GALNT17: variants seen among roughly 807,000 people sequenced by gnomAD.
GALNT17 encodes polypeptide N-acetylgalactosaminyltransferase 17, also known as UDP-GalNAc:polypeptide N-acetylgalactosaminyltransferase-like 3.
A neutral mutation model predicts 63.7 loss-of-function variants in GALNT17; 29 were observed. The observed-to-expected ratio is 0.46, with a 90% CI of 0.34 to 0.62. The LOEUF is 0.62. GALNT17 is among the 20% of genes least tolerant of loss of function. GALNT17 has a pLI of 0.01. For missense variants in GALNT17, 603 were observed against 799.6 expected (o/e 0.75, Z 2.97); for synonymous variants, 305 against 318.3 (o/e 0.96, Z 0.45).
chr7:71,593,193 C>T (rs1432420467), intron 6 of GALNT17, among the ~76,000 whole-genome samples: 3 of 143,554 alleles, frequency 2.1e-5, no homozygotes, highest in Non-Finnish European at 4.5e-5. Context: ...TTTTTAAAAA[C>T]AATTAGTTTT....
At chr7:71,456,536 T>G (rs1363309758) in intron 5 of GALNT17, among the ~76,000 whole-genome samples, 1 of 151,928 alleles carries the variant, frequency 6.6e-6, no homozygotes, top group African/African-American at 2.4e-5. Flanking sequence ...GCCAACATAG[T>G]GAAACCCTGT....
chr7:71,291,250 C>T (rs1181738948), intron 1 of GALNT17, among the ~76,000 whole-genome samples: 1 of 150,396 alleles, frequency 6.6e-6, no homozygotes, highest in Non-Finnish European at 1.5e-5. Flanking sequence ...ATATTAATTT[C>T]TCTTTGGTTG....
At chr7:71,695,771 C>T (rs1791531261) in intron 9 of GALNT17, among the ~76,000 whole-genome samples, 1 of 152,146 alleles carries the variant, frequency 6.6e-6, no homozygotes, top group South Asian at 2.1e-4. Flanking sequence ...CCAAAGGCAG[C>T]ATCCTCTGTA....
chr7:71,511,292 T>A (rs1054423654), intron 5 of GALNT17, among the ~76,000 whole-genome samples: 6 of 151,910 alleles, frequency 3.9e-5, no homozygotes, highest in African/African-American at 1.5e-4. Flanking sequence ...TTGGCAAGGA[T>A]CAGATAGGAA....
intron 1 of GALNT17, among the ~76,000 whole-genome samples, chr7:71,147,739 C>T (rs896256362): frequency 3.3e-5 from 5 of 152,112 alleles, no homozygotes; most frequent in African/African-American, 1.2e-4. Context: ...TCCATCGATT[C>T]TCCTGCCTCA....
intron 1 of GALNT17, among the ~76,000 whole-genome samples, chr7:71,143,021 G>A (rs1455978240): frequency 3.3e-5 from 5 of 152,032 alleles, no homozygotes; most frequent in Admixed American, 6.6e-5. Context: ...GTGCTTAGCC[G>A]GTGAGTGCTG....
At chr7:71,615,881 A>T (rs1790194599) in intron 6 of GALNT17, among the ~76,000 whole-genome samples, 1 of 152,104 alleles carries the variant, frequency 6.6e-6, no homozygotes, top group African/African-American at 2.4e-5. Flanking sequence ...ACTCGGCTTG[A>T]CAGGAGGAAA....
intron 1 of GALNT17, among the ~76,000 whole-genome samples, chr7:71,264,663 C>T (rs549771080): frequency 2.0e-5 from 3 of 152,026 alleles, no homozygotes; most frequent in South Asian, 2.1e-4. Flanking sequence ...AGAATGAAAT[C>T]GTGTCATTTG....
At chr7:71,223,639 A>T (rs1789628105) in intron 1 of GALNT17, among the ~76,000 whole-genome samples, 1 of 152,070 alleles carries the variant, frequency 6.6e-6, no homozygotes, top group Admixed American at 6.6e-5. Context: ...TGTCGTACAG[A>T]TTATTCCATC....
rs1173962144 is a variant in GALNT17 at position 71,599,653 on chromosome 7, T to C, written c.1080+28251T>C. On this transcript the variant is annotated intron_variant, in intron 6 of 10. Transcript: ENST00000333538. Reference sequence around the variant, plus strand: ...ACCCATCAGAGCAGAATTTCTCACCTAGACATTGATATCTGGTGGGTAGAG... The same window carrying C: ...ACCCATCAGAGCAGAATTTCTCACCCAGACATTGATATCTGGTGGGTAGAG... Among the ~76,000 whole-genome samples the C allele has an allele frequency of 2.0e-5, 3 of 151,866 alleles. No individual in the cohort carries two copies. In the East Asian group the frequency reaches 5.9e-4, roughly 30 times the overall value.
intron 5 of GALNT17, among the ~76,000 whole-genome samples, chr7:71,522,058 G>T (rs1788539396): frequency 6.6e-6 from 1 of 152,114 alleles, no homozygotes. Flanking sequence ...ATGAGACCGA[G>T]AACAAAACCC....
At chr7:71,296,718 G>T (rs556678308) in intron 1 of GALNT17, among the ~76,000 whole-genome samples, 1 of 148,706 alleles carries the variant, frequency 6.7e-6, no homozygotes, top group African/African-American at 2.5e-5. Context: ...AAAAAAACGT[G>T]TTTTTTTTTA....
intron 9 of GALNT17, among the ~76,000 whole-genome samples, chr7:71,702,454 G>A (rs573944328): frequency 2.6e-5 from 4 of 152,176 alleles, no homozygotes; most frequent in Admixed American, 2.6e-4. Flanking sequence ...CAAACAATAT[G>A]ACATGTGGCT....
At position 71,360,949 on chromosome 7, in the gene GALNT17, G is replaced by A. The variant is rs796651450; in HGVS notation, c.422+25216G>A. 3.7e-4 allele frequency among the ~76,000 whole-genome samples: 56 copies of A among 152,202 alleles called. 1 individual carries two copies. The highest frequency in any genetic ancestry group is 1.3e-3 in the African/African-American group (54 of 41,534). ...CAAGACGCCTTGCTCCTTAAAAGAC[G>A]TCCTTAAAAATAATAATAACTTTCT... On this transcript the variant is annotated intron_variant, in intron 2 of 10. Transcript: ENST00000333538.
chr7:71,453,795 T>C (rs1787308295), intron 5 of GALNT17, among the ~76,000 whole-genome samples: 1 of 152,222 alleles, frequency 6.6e-6, no homozygotes, highest in Admixed American at 6.5e-5. Flanking sequence ...GTCTCATCTC[T>C]TTCAGCACCA....
chr7:71,554,877 T>C (rs1789136708), intron 5 of GALNT17, among the ~76,000 whole-genome samples: 2 of 152,344 alleles, frequency 1.3e-5, no homozygotes, highest in South Asian at 4.1e-4. Flanking sequence ...TGTGTCTGTT[T>C]TGCATTGCTC....
At chr7:71,673,282 A>G (rs1791099132) in intron 8 of GALNT17, among the ~76,000 whole-genome samples, 1 of 152,136 alleles carries the variant, frequency 6.6e-6, no homozygotes. Context: ...TTTTTTTTTA[A>G]TTTAACTTGG....
chr7:71,286,259 C>T (rs1048146659), intron 1 of GALNT17, among the ~76,000 whole-genome samples: 9 of 152,192 alleles, frequency 5.9e-5, no homozygotes, highest in African/African-American at 1.9e-4. Flanking sequence ...GCTCTGCCCA[C>T]GTTGATTACT....
intron 1 of GALNT17, among the ~76,000 whole-genome samples, chr7:71,170,932 T>C (rs2116283675): frequency 6.6e-6 from 1 of 152,334 alleles, no homozygotes; most frequent in African/African-American, 2.4e-5. Context: ...TCCCTGTTTT[T>C]CATCTTTATT....
Sources: gnomAD v4.1 joint callset for allele counts (sites outside exome capture counted in the v4.1 genomes callset) on GRCh38, gnomAD v4.1.1 for gene constraint, MANE v1.5 for transcripts, NCBI Gene and HGNC (gene_info 2026-07-23, HGNC 2026-07-21) for gene names.